Variants in PCDH15 observed in about 807,000 individuals in gnomAD.
The protein encoded by PCDH15 is protocadherin related 15.
In PCDH15, 129 loss-of-function variants were observed where a neutral mutation model predicts 178.5. That is an observed-to-expected ratio of 0.72 (90% CI 0.63 to 0.84). The LOEUF (loss-of-function observed/expected upper bound fraction) is 0.84, where lower values mean the gene tolerates loss of function less well. Among genes scored for constraint, PCDH15 ranks in the 40% least tolerant of loss-of-function variants. The pLI is 0.00. For synonymous variants in PCDH15, 800 were observed against 732.0 expected (o/e 1.09, Z -1.50); for missense variants, 2,230 against 2,099.9 (o/e 1.06, Z -1.21).
chr10:54,918,096 T>C (rs1837389448), intron 2 of PCDH15, among the ~76,000 whole-genome samples: 1 of 151,554 alleles, frequency 6.6e-6, no homozygotes, highest in African/African-American at 2.4e-5. Flanking sequence ...ACCCAAACAA[T>C]AGCTATGCAA....
chr10:55,230,275 C>T (rs1434135938), intron 1 of PCDH15, among the ~76,000 whole-genome samples: 1 of 151,818 alleles, frequency 6.6e-6, no homozygotes, highest in Admixed American at 6.6e-5. Flanking sequence ...TTGATTATTG[C>T]ATAATTTATA....
chr10:55,065,638 C>G (rs1325913481), intron 2 of PCDH15, among the ~76,000 whole-genome samples: 3 of 151,996 alleles, frequency 2.0e-5, no homozygotes, highest in Non-Finnish European at 4.4e-5. Flanking sequence ...TCTAGAAGAG[C>G]TCCTAGAACT....
chr10:54,519,485 C>T (rs1032486383), intron 3 of PCDH15, among the ~76,000 whole-genome samples: 8 of 152,100 alleles, frequency 5.3e-5, no homozygotes, highest in Admixed American at 2.6e-4. Flanking sequence ...GAATAAAATA[C>T]CTAGAAATCT....
chr10:55,473,650 C>T (rs924243591), intron 2 of PCDH15, among the ~76,000 whole-genome samples: 1 of 151,970 alleles, frequency 6.6e-6, no homozygotes, highest in Admixed American at 6.6e-5. Context: ...TGAAAATAAC[C>T]CCTATTGGTG....
chr10:53,908,989 T>C (rs768168929), intron 25 of PCDH15, among the ~76,000 whole-genome samples: 2 of 152,212 alleles, frequency 1.3e-5, no homozygotes, highest in Non-Finnish European at 2.9e-5. Context: ...GTATATTAAT[T>C]ATGGAAGCAT....
At chr10:54,426,113 T>C (rs544614932) in intron 3 of PCDH15, among the ~76,000 whole-genome samples, 1 of 152,292 alleles carries the variant, frequency 6.6e-6, no homozygotes, top group South Asian at 2.1e-4. Flanking sequence ...CAAGATATTC[T>C]TGTATCCTCT....
chr10:54,034,317 CA>C (rs2093367459), intron 18 of PCDH15, among the ~76,000 whole-genome samples: 1 of 151,924 alleles, frequency 6.6e-6, no homozygotes, highest in African/African-American at 2.4e-5. Context: ...CACATTGTCA[CA>C]ATTTGACCTA....
At chr10:55,267,934 C>T (rs1842343107) in intron 1 of PCDH15, among the ~76,000 whole-genome samples, 1 of 151,912 alleles carries the variant, frequency 6.6e-6, no homozygotes, top group African/African-American at 2.4e-5. Flanking sequence ...TCTCACTCAT[C>T]CTTAAAAAAA....
At chr10:55,112,796 CTT>C (rs1335951094) in intron 2 of PCDH15, among the ~76,000 whole-genome samples, 11 of 152,156 alleles carry the variant, frequency 7.2e-5, no homozygotes, top group Admixed American at 7.2e-4. Flanking sequence ...AAGCAACACA[CTT>C]ATCAATCAAA....
chr10:53,809,162 T>A, intron 37 of PCDH15: 2 of 1,613,974 alleles, frequency 1.2e-6, no homozygotes. Flanking sequence ...TCAGAGGGTG[T>A]CTCTGACTCA....
At chr10:53,865,285 T>C (rs546830713) in intron 27 of PCDH15, among the ~76,000 whole-genome samples, 1 of 152,296 alleles carries the variant, frequency 6.6e-6, no homozygotes, top group Non-Finnish European at 1.5e-5. Context: ...CTGCTTATTA[T>C]AATTGGTAAT....
At chr10:54,928,002 G>A (rs1837675037) in intron 2 of PCDH15, among the ~76,000 whole-genome samples, 1 of 152,020 alleles carries the variant, frequency 6.6e-6, no homozygotes, top group Admixed American at 6.6e-5. Context: ...ATATTATGTA[G>A]ACTTGTTTAT....
At chr10:54,492,644 C>T (rs2079706879) in intron 3 of PCDH15, among the ~76,000 whole-genome samples, 1 of 152,070 alleles carries the variant, frequency 6.6e-6, no homozygotes, top group African/African-American at 2.4e-5. Flanking sequence ...TCTGTTACAC[C>T]TCTCCATTCC....
chr10:54,347,037 C>T (rs1588954660), intron 5 of PCDH15, among the ~76,000 whole-genome samples: 3 of 152,272 alleles, frequency 2.0e-5, no homozygotes, highest in African/African-American at 7.2e-5. Context: ...CAGGTCACAG[C>T]AGCTGGAGAG....
chr10:54,025,312 C>T (rs1483775567), intron 18 of PCDH15, among the ~76,000 whole-genome samples: 1 of 152,082 alleles, frequency 6.6e-6, no homozygotes, highest in African/African-American at 2.4e-5. Context: ...GATGGTCTCA[C>T]CAGGGCTATG....
intron 3 of PCDH15, among the ~76,000 whole-genome samples, chr10:54,412,006 G>A (rs1953599886): frequency 1.3e-5 from 2 of 151,908 alleles, no homozygotes; most frequent in Non-Finnish European, 2.9e-5. Context: ...CACTACTTAG[G>A]GTGACCTGTG....
chr10:54,188,604 C>G (rs2048685938), intron 11 of PCDH15, among the ~76,000 whole-genome samples: 1 of 151,698 alleles, frequency 6.6e-6, no homozygotes, highest in Admixed American at 6.6e-5. Flanking sequence ...AAAATAAGCT[C>G]TGACATGCAC....
intron 3 of PCDH15, among the ~76,000 whole-genome samples, chr10:54,883,763 T>A (rs1954304458): frequency 6.6e-6 from 1 of 152,008 alleles, no homozygotes; most frequent in Admixed American, 6.6e-5. Context: ...CATATCACTT[T>A]CAGAGTATTT....
intron 5 of PCDH15, among the ~76,000 whole-genome samples, chr10:54,361,122 T>A (rs1350511558): frequency 6.6e-6 from 1 of 152,070 alleles, no homozygotes; most frequent in African/African-American, 2.4e-5. Flanking sequence ...GTTCTAGGAT[T>A]CATGTATATA....
Sources: allele counts gnomAD v4.1 joint callset (sites outside exome capture counted in the v4.1 genomes callset), GRCh38; gene constraint gnomAD v4.1.1; transcripts MANE v1.5; gene names NCBI Gene and HGNC (gene_info 2026-07-23, HGNC 2026-07-21).